The following LTBP1 variants were observed in gnomAD, a reference collection of about 807,000 sequenced individuals.
LTBP1 encodes latent-transforming growth factor beta-binding protein 1.
In LTBP1, 129 loss-of-function variants were observed where a neutral mutation model predicts 207.6. The observed-to-expected ratio is 0.62, with a 90% CI of 0.54 to 0.72. LTBP1 has a LOEUF of 0.72. LTBP1 is among the 30% of genes least tolerant of loss of function. LTBP1 has a pLI of 0.00. For synonymous variants in LTBP1, 963 were observed against 833.7 expected (o/e 1.16, Z -2.67); for missense variants, 2,281 against 2,217.2 (o/e 1.03, Z -0.58).
At chr2:33,352,267 G>C (rs1403686473) in intron 26 of LTBP1, among the ~76,000 whole-genome samples, 1 of 152,012 alleles carries the variant, frequency 6.6e-6, no homozygotes, top group African/African-American at 2.4e-5. Flanking sequence ...GGGTAGCTGG[G>C]ATTATAGGAG....
intron 9 of LTBP1, among the ~76,000 whole-genome samples, chr2:33,229,595 A>C (rs986121009): frequency 6.6e-6 from 1 of 152,266 alleles, no homozygotes; most frequent in Non-Finnish European, 1.5e-5. Context: ...ATACCACTTT[A>C]GAAGTGATAG....
chr2:33,062,344 G>C (rs2077305742), intron 3 of LTBP1, among the ~76,000 whole-genome samples: 1 of 152,070 alleles, frequency 6.6e-6, no homozygotes, highest in Non-Finnish European at 1.5e-5. Flanking sequence ...ATTGATTTCT[G>C]TGTGTCGCTC....
intron 19 of LTBP1, among the ~76,000 whole-genome samples, chr2:33,282,992 G>A (rs2093589890): frequency 6.6e-6 from 1 of 150,934 alleles, no homozygotes; most frequent in Non-Finnish European, 1.5e-5. Flanking sequence ...GAACCTGGGA[G>A]GCGGAGGTTG....
chr2:33,038,990 C>T (rs939484100), intron 3 of LTBP1, among the ~76,000 whole-genome samples: 2 of 152,182 alleles, frequency 1.3e-5, no homozygotes, highest in South Asian at 2.1e-4. Flanking sequence ...CTCCAGTTCC[C>T]GCCCTTTGTC....
chr2:33,354,578 T>C lies in LTBP1; in HGVS notation c.4001-6019T>C, dbSNP rs150653158. Among the ~76,000 whole-genome samples, 478 of 152,216 alleles carry C rather than the reference T, an allele frequency of 3.1e-3. 4 individuals are homozygous for C. Among genetic ancestry groups the C allele is most frequent in the African/African-American group, 0.011 (451 of 41,538 alleles). On this transcript the variant is annotated intron_variant, in intron 26 of 33. Coordinates refer to ENST00000404816, the MANE Select transcript of LTBP1 (RefSeq NM_206943.4). ...AAAGCCAAACTGCTTTTTTAAGATT[T>C]TCTGCTTGCTATAGATAGTACCTAA... is the stretch of plus-strand genomic sequence containing the variant.
intron 2 of LTBP1, among the ~76,000 whole-genome samples, chr2:32,956,175 G>C (rs1010225061): frequency 2.0e-5 from 3 of 152,140 alleles, no homozygotes; most frequent in African/African-American, 7.2e-5. Context: ...GCTGAAAGTT[G>C]GGGTGGCTGT....
At chr2:33,137,289 G>A (rs934778087) in intron 5 of LTBP1, among the ~76,000 whole-genome samples, 3 of 152,102 alleles carry the variant, frequency 2.0e-5, no homozygotes, top group Admixed American at 6.5e-5. Context: ...TGACAAAAAA[G>A]ACCTATTTGG....
intron 9 of LTBP1, among the ~76,000 whole-genome samples, chr2:33,242,383 C>G (rs748770544): frequency 6.6e-6 from 1 of 152,202 alleles, no homozygotes; most frequent in Non-Finnish European, 1.5e-5. Context: ...CCCCCTGGAT[C>G]TCCATATGCA....
At chr2:33,217,030 G>T (rs1237534114) in intron 7 of LTBP1, among the ~76,000 whole-genome samples, 1 of 152,084 alleles carries the variant, frequency 6.6e-6, no homozygotes, top group Non-Finnish European at 1.5e-5. Flanking sequence ...AGCTGATTTG[G>T]CCCAGCCAGT....
intron 7 of LTBP1, among the ~76,000 whole-genome samples, chr2:33,212,356 A>G (rs1478481941): frequency 1.3e-5 from 2 of 152,200 alleles, no homozygotes; most frequent in African/African-American, 4.8e-5. Flanking sequence ...AGATGTGGAA[A>G]TGAGGGAGGA....
At chr2:33,302,517 T>C (rs2094004828) in intron 22 of LTBP1, among the ~76,000 whole-genome samples, 1 of 152,136 alleles carries the variant, frequency 6.6e-6, no homozygotes, top group Admixed American at 6.5e-5. Flanking sequence ...TTGGGAAAGA[T>C]CTATTGTCAT....
intron 2 of LTBP1, among the ~76,000 whole-genome samples, chr2:32,971,217 A>T (rs1023666167): frequency 6.6e-6 from 1 of 152,186 alleles, no homozygotes; most frequent in African/African-American, 2.4e-5. Context: ...TTTTCTAGAT[A>T]TAAAATCATA....
At chr2:33,367,773 C>A (rs2095011477) in intron 31 of LTBP1, among the ~76,000 whole-genome samples, 1 of 152,018 alleles carries the variant, frequency 6.6e-6, no homozygotes, top group Non-Finnish European at 1.5e-5. Context: ...AGGTTCATTG[C>A]AGCATTGTTT....
chr2:33,303,353 T>A (rs910774082), intron 22 of LTBP1, among the ~76,000 whole-genome samples: 1 of 46,278 alleles, frequency 2.2e-5, no homozygotes, highest in Admixed American at 2.4e-4. Context: ...TTAGATTTTC[T>A]TTTTTTTTTT....
intron 7 of LTBP1, among the ~76,000 whole-genome samples, chr2:33,208,190 T>C (rs140113791): frequency 1.3e-5 from 2 of 152,326 alleles, no homozygotes; most frequent in East Asian, 3.9e-4. Flanking sequence ...TGAATGTGGA[T>C]GGAGGTGAGG....
At chr2:33,273,145 G>C (rs370740534) in intron 15 of LTBP1, among the ~76,000 whole-genome samples, 1 of 152,160 alleles carries the variant, frequency 6.6e-6, no homozygotes, top group South Asian at 2.1e-4. Context: ...TTAGAAGTGG[G>C]AGGTCTTTGG....
At chr2:33,298,822 A>T (rs1305424988) in intron 20 of LTBP1, among the ~76,000 whole-genome samples, 2 of 152,208 alleles carry the variant, frequency 1.3e-5, no homozygotes, top group Non-Finnish European at 2.9e-5. Flanking sequence ...AAAATAAGAA[A>T]CAAATTTTTG....
chr2:33,180,764 A>G (rs762602656), intron 5 of LTBP1, among the ~76,000 whole-genome samples: 10 of 152,100 alleles, frequency 6.6e-5, no homozygotes, highest in Non-Finnish European at 1.2e-4. Context: ...CCTAAGTAGC[A>G]TAGGTTCTTA....
chr2:33,386,988 G>A (rs1299087577), intron 31 of LTBP1, among the ~76,000 whole-genome samples: 2 of 152,036 alleles, frequency 1.3e-5, no homozygotes, highest in Non-Finnish European at 2.9e-5. Flanking sequence ...GTGCCACCAT[G>A]CCCAGCTAAT....
Sources: allele counts gnomAD v4.1 joint callset (sites outside exome capture counted in the v4.1 genomes callset), GRCh38; gene constraint gnomAD v4.1.1; transcripts MANE v1.5; gene names NCBI Gene and HGNC (gene_info 2026-07-23, HGNC 2026-07-21).